Variants in GRIP1 observed in about 807,000 individuals in gnomAD.
GRIP1 encodes glutamate receptor-interacting protein 1.
GRIP1 carries 45 observed loss-of-function variants against 129.9 expected under a neutral mutation model. That is an observed-to-expected ratio of 0.35 (90% CI 0.27 to 0.44). The LOEUF (loss-of-function observed/expected upper bound fraction) is 0.44. Among genes scored for constraint, GRIP1 ranks in the 20% least tolerant of loss-of-function variants. The probability of loss-of-function intolerance (pLI) is 1.00; values close to 1 mark genes in which losing one functional copy is unlikely to be tolerated. For missense variants in GRIP1, 1,196 were observed against 1,396.8 expected, an observed-to-expected ratio of 0.86 and a Z score of 2.29; for synonymous variants, 530 against 520.8, an observed-to-expected ratio of 1.02 and a Z score of -0.24.
At chr12:66,993,545 C>G (rs1183166700) in intron 1 of GRIP1, among the ~76,000 whole-genome samples, 1 of 151,888 alleles carries the variant, frequency 6.6e-6, no homozygotes, top group Non-Finnish European at 1.5e-5. Flanking sequence ...AATCCCAGCA[C>G]TTTAGGAGGC....
At chr12:67,042,622 C>A (rs1009220777) in intron 1 of GRIP1, among the ~76,000 whole-genome samples, 13 of 152,088 alleles carry the variant, frequency 8.5e-5, no homozygotes, top group African/African-American at 3.1e-4. Flanking sequence ...ATTTAAATAT[C>A]TTTACATTTT....
chr12:66,939,768 A>G (rs899366820), intron 1 of GRIP1, among the ~76,000 whole-genome samples: 4 of 152,224 alleles, frequency 2.6e-5, no homozygotes, highest in African/African-American at 9.6e-5. Context: ...GAGTTCACAA[A>G]TGTATTCCAC....
At chr12:66,990,970 T>G in intron 1 of GRIP1, among the ~76,000 whole-genome samples, 1 of 124,414 alleles carries the variant, frequency 8.0e-6, no homozygotes, top group African/African-American at 3.3e-5. Context: ...AGAGCTAAAC[T>G]CCGTCGCAAA....
At chr12:66,852,612 T>C (rs1020976721) in intron 1 of GRIP1, among the ~76,000 whole-genome samples, 4 of 151,426 alleles carry the variant, frequency 2.6e-5, no homozygotes, top group African/African-American at 7.3e-5. Context: ...ATATATAACA[T>C]TCCATCAATT....
At chr12:67,056,423 C>T (rs2043436858) in intron 1 of GRIP1, among the ~76,000 whole-genome samples, 1 of 152,206 alleles carries the variant, frequency 6.6e-6, no homozygotes, top group Non-Finnish European at 1.5e-5. Flanking sequence ...CATGTCCTCT[C>T]CATGTGAACT....
chr12:66,982,239 T>A (rs1287951570), intron 1 of GRIP1, among the ~76,000 whole-genome samples: 1 of 152,196 alleles, frequency 6.6e-6, no homozygotes, highest in African/African-American at 2.4e-5. Flanking sequence ...GCTAACAGCA[T>A]ACCCAATATC....
chr12:66,422,850 C>T (rs990144256), intron 14 of GRIP1, among the ~76,000 whole-genome samples: 4 of 152,030 alleles, frequency 2.6e-5, no homozygotes, highest in Non-Finnish European at 4.4e-5. Context: ...ATGATGGGGT[C>T]GAACCCAGAA....
intron 1 of GRIP1, among the ~76,000 whole-genome samples, chr12:66,752,893 A>G (rs904444155): frequency 2.0e-5 from 3 of 152,224 alleles, no homozygotes; most frequent in Non-Finnish European, 4.4e-5. Context: ...TGCCTCAAAT[A>G]ATAGAATAAA....
intron 1 of GRIP1, among the ~76,000 whole-genome samples, chr12:67,003,839 A>G (rs1049475952): frequency 6.6e-6 from 1 of 152,254 alleles, no homozygotes; most frequent in African/African-American, 2.4e-5. Context: ...TGCTACTATA[A>G]TAAGTTACCA....
chr12:66,818,639 C>A (rs1290872420), intron 1 of GRIP1, among the ~76,000 whole-genome samples: 1 of 152,156 alleles, frequency 6.6e-6, no homozygotes, highest in Non-Finnish European at 1.5e-5. Flanking sequence ...ATTTTGTTAA[C>A]ACAGAATATT....
intron 1 of GRIP1, among the ~76,000 whole-genome samples, chr12:66,649,768 A>G (rs1477556190): frequency 3.9e-5 from 6 of 152,220 alleles, no homozygotes; most frequent in African/African-American, 1.4e-4. Flanking sequence ...GGAAATGAGG[A>G]AAATCGATAT....
intron 19 of GRIP1, among the ~76,000 whole-genome samples, chr12:66,389,430 G>A (rs943101681): frequency 3.3e-5 from 5 of 151,986 alleles, no homozygotes; most frequent in South Asian, 2.1e-4. Context: ...GTTTCGCCAC[G>A]TTGCTCAGGC....
intron 1 of GRIP1, among the ~76,000 whole-genome samples, chr12:66,863,351 AG>A (rs1158316856): frequency 6.6e-6 from 1 of 152,188 alleles, no homozygotes. Context: ...GATTTCTAAT[AG>A]GGTAAGACAG....
chr12:66,958,638 T>C (rs1344742784), intron 1 of GRIP1, among the ~76,000 whole-genome samples: 1 of 152,222 alleles, frequency 6.6e-6, no homozygotes, highest in Non-Finnish European at 1.5e-5. Context: ...TTCATGTGAA[T>C]AAATTTAAGA....
rs770816307 is a variant in GRIP1 at position 67,003,650 on chromosome 12, G to A, written c.58+65400C>T. ...GGAGGTTGCAGTGAGCCGAGATTGC[G>A]CCATTGCACTCCAGCCTGGGAGACA... On this transcript the variant is annotated intron_variant, in intron 1 of 1. Transcript: ENST00000643019. 1.1e-4 allele frequency among the ~76,000 whole-genome samples: 16 copies of A among 152,070 alleles called. 1 individual carries two copies. Among genetic ancestry groups the A allele is most frequent in the South Asian group, 8.3e-4 (4 of 4,816 alleles).
intron 1 of GRIP1, among the ~76,000 whole-genome samples, chr12:66,667,301 CTT>C (rs1329609597): frequency 6.6e-6 from 1 of 152,098 alleles, no homozygotes; most frequent in Non-Finnish European, 1.5e-5. Flanking sequence ...GTATATTTCT[CTT>C]TTGCTCCCTT....
At chr12:67,040,318 A>G (rs1273547254) in intron 1 of GRIP1, among the ~76,000 whole-genome samples, 4 of 152,108 alleles carry the variant, frequency 2.6e-5, no homozygotes, top group Non-Finnish European at 4.4e-5. Context: ...AAGAGAAAGT[A>G]TCTGTCTCAA....
chr12:66,951,076 T>C (rs959855650), intron 1 of GRIP1, among the ~76,000 whole-genome samples: 7 of 152,222 alleles, frequency 4.6e-5, no homozygotes, highest in East Asian at 1.9e-4. Flanking sequence ...CAAAAAGTCA[T>C]GTTCCCACTG....
At chr12:66,559,137 TAA>T (rs55900328) in intron 2 of GRIP1, among the ~76,000 whole-genome samples, 2,963 of 141,694 alleles carry the variant, frequency 0.021, 91 homozygotes, top group African/African-American at 0.069. Flanking sequence ...CCCTTCATGA[TAA>T]AAAAAAAAAA....
Sources: allele counts gnomAD v4.1 joint callset (sites outside exome capture counted in the v4.1 genomes callset), GRCh38; gene constraint gnomAD v4.1.1; transcripts MANE v1.5; gene names NCBI Gene and HGNC (gene_info 2026-07-23, HGNC 2026-07-21).